GPD2: variants seen among roughly 807,000 people sequenced by gnomAD.
GPD2 encodes the protein glycerol-3-phosphate dehydrogenase 2.
In GPD2, 54 loss-of-function variants were observed where a neutral mutation model predicts 82.4. The ratio of observed to expected loss-of-function variants is 0.66; its 90% CI spans 0.53 to 0.82. The LOEUF is 0.82. GPD2 is among the 40% of genes least tolerant of loss of function. The pLI is 0.00. For missense variants in GPD2, 748 were observed against 896.2 expected (o/e 0.83, Z 2.11); for synonymous variants, 288 against 306.1 (o/e 0.94, Z 0.62).
At chr2:156,478,326 A>G (rs966827480) in intron 2 of GPD2, among the ~76,000 whole-genome samples, 10 of 152,162 alleles carry the variant, frequency 6.6e-5, no homozygotes, top group African/African-American at 2.4e-4. Context: ...GTCATTTATA[A>G]TTTTAACCTG....
intron 13 of GPD2, among the ~76,000 whole-genome samples, chr2:156,574,122 C>T (rs979588229): frequency 4.0e-5 from 6 of 151,856 alleles, no homozygotes; most frequent in Admixed American, 3.9e-4. Flanking sequence ...CACTCAAGAC[C>T]AAAATCCAAC....
chr2:156,572,168 C>G (rs1687663689), intron 13 of GPD2, among the ~76,000 whole-genome samples: 1 of 152,128 alleles, frequency 6.6e-6, no homozygotes, highest in South Asian at 2.1e-4. Context: ...CCCAAAACTA[C>G]TACTCCTATA....
At chr2:156,561,813 T>C (rs1277175022) in intron 9 of GPD2, among the ~76,000 whole-genome samples, 3 of 152,254 alleles carry the variant, frequency 2.0e-5, no homozygotes, top group Non-Finnish European at 4.4e-5. Context: ...GAAAAAAAAG[T>C]GTCAAATCTT....
intron 3 of GPD2, among the ~76,000 whole-genome samples, chr2:156,501,314 A>G (rs1047507322): frequency 3.3e-5 from 5 of 152,140 alleles, no homozygotes; most frequent in Admixed American, 6.6e-5. Context: ...TTGGCTAGCA[A>G]TTCTTGAATT....
chr2:156,461,466 A>G (rs1345028828), intron 1 of GPD2, among the ~76,000 whole-genome samples: 5 of 151,626 alleles, frequency 3.3e-5, no homozygotes, highest in South Asian at 2.1e-4. Context: ...GTAGGCTCCA[A>G]CTCCTGTGCT....
At chr2:156,407,572 A>G in the GPD2 span, among the ~76,000 whole-genome samples, 2 of 152,246 alleles carry the variant, frequency 1.3e-5, no homozygotes, top group African/African-American at 4.8e-5. Flanking sequence ...CCTAAGGATT[A>G]GAATCAAAGC....
intron 6 of GPD2, among the ~76,000 whole-genome samples, chr2:156,545,142 ACACACACAC>A (rs1393532820): frequency 2.0e-5 from 3 of 152,228 alleles, no homozygotes; most frequent in African/African-American, 7.2e-5. Context: ...ACTCATTCAC[ACACACACAC>A]CACACACACA....
At chr2:156,571,039 T>C in intron 12 of GPD2, 95 bp from the exon 13 acceptor site, 1 of 873,604 alleles carries the variant, frequency 1.1e-6, no homozygotes, top group East Asian at 2.4e-5. Flanking sequence ...ATATTACCTT[T>C]GTGAAGCACA....
chr2:156,575,249 AT>A (rs1473671477), intron 13 of GPD2, among the ~76,000 whole-genome samples: 1 of 152,140 alleles, frequency 6.6e-6, no homozygotes, highest in African/African-American at 2.4e-5. Context: ...CTAGAAACTA[AT>A]GGTCTTGGCA....
At chr2:156,519,426 T>C (rs1275393214) in intron 6 of GPD2, among the ~76,000 whole-genome samples, 1 of 152,036 alleles carries the variant, frequency 6.6e-6, no homozygotes, top group Non-Finnish European at 1.5e-5. Flanking sequence ...TAAGAGGAGG[T>C]ATTGGCATGA....
Position 156,584,457 on chromosome 2 carries a change from G to T in GPD2, c.*1539G>T, listed in dbSNP as rs1466156167. 1 of 152,268 alleles carries T rather than the reference G, an allele frequency of 6.6e-6. No homozygotes were observed. Among genetic ancestry groups the T allele is most frequent in the Non-Finnish European group, 1.5e-5 (1 of 67,914 alleles). 9.4% of individuals were successfully genotyped at this position (152,268 alleles called of 1,614,324 possible). On this transcript the variant is annotated 3_prime_UTR_variant, in exon 17 of 17. Coordinates refer to ENST00000438166, the MANE Select transcript of GPD2 (RefSeq NM_000408.5). ...GAGTATCTTTATGCCTTATTCAAGT[G>T]GATTCTGAGCCTGTATGTCACAATG...
At chr2:156,562,560 G>C in intron 9 of GPD2, among the ~76,000 whole-genome samples, 1 of 132,496 alleles carries the variant, frequency 7.5e-6, no homozygotes. Flanking sequence ...ATTGTTTTTT[G>C]AAAGTGGCAA....
chr2:156,530,758 GC>G (rs1685823375), intron 6 of GPD2, among the ~76,000 whole-genome samples: 1 of 152,158 alleles, frequency 6.6e-6, no homozygotes, highest in South Asian at 2.1e-4. Flanking sequence ...TATTGAACCA[GC>G]CTTGCATCCC....
chr2:156,546,508 G>A (rs1012852562), intron 6 of GPD2, among the ~76,000 whole-genome samples: 6 of 152,150 alleles, frequency 3.9e-5, no homozygotes, highest in Non-Finnish European at 7.4e-5. Flanking sequence ...CTCAGGGTAA[G>A]GGGTAAGGGG....
the GPD2 span, among the ~76,000 whole-genome samples, chr2:156,412,315 T>C: frequency 6.6e-6 from 1 of 152,066 alleles, no homozygotes; most frequent in Non-Finnish European, 1.5e-5. Flanking sequence ...GGTGGATGCC[T>C]GTAGTCCCAG....
rs553981333 is a variant in GPD2, at chr2:156,557,791, T to C, written c.1165+209T>C. Among the ~76,000 whole-genome samples the C allele has an allele frequency of 1.2e-4, 18 of 152,322 alleles. No homozygotes were observed. The South Asian group carries it at 3.3e-3, about 28-fold the overall frequency. ...ACTTTCTATACCCACATGAAACTTA[T>C]GCAGTCCTCTTCTGATAATTCCTAA... On this transcript the variant is annotated intron_variant, in intron 9 of 16. Coordinates refer to ENST00000438166, the MANE Select transcript of GPD2 (RefSeq NM_000408.5).
chr2:156,450,014 G>C (rs1682498888), intron 1 of GPD2, among the ~76,000 whole-genome samples: 1 of 8,950 alleles, frequency 1.1e-4, no homozygotes, highest in Non-Finnish European at 6.8e-3. Flanking sequence ...CTGTCTCAAA[G>C]AGAAAAAAGC....
intron 1 of GPD2, among the ~76,000 whole-genome samples, chr2:156,459,682 G>A (rs141172194): frequency 0.06 from 169 of 2,822 alleles, 8 homozygotes; most frequent in East Asian, 0.49. Flanking sequence ...GCAAGACTCC[G>A]TCTCAAAAAA....
At chr2:156,524,054 T>C (rs1364583930) in intron 6 of GPD2, among the ~76,000 whole-genome samples, 1 of 152,190 alleles carries the variant, frequency 6.6e-6, no homozygotes, top group Non-Finnish European at 1.5e-5. Flanking sequence ...TATTGCTTAA[T>C]GGTGACGTTG....
Sources: gnomAD v4.1 joint callset for allele counts (sites outside exome capture counted in the v4.1 genomes callset) on GRCh38, gnomAD v4.1.1 for gene constraint, MANE v1.5 for transcripts, NCBI Gene and HGNC (gene_info 2026-07-23, HGNC 2026-07-21) for gene names.